The following EYS variants were observed in gnomAD, a reference collection of about 807,000 sequenced individuals.
EYS encodes EGF-like photoreceptor maintenance factor, also known as protein eyes shut homolog.
In EYS, 250 loss-of-function variants were observed where a neutral mutation model predicts 282.1. The ratio of observed to expected loss-of-function variants is 0.89; its 90% confidence interval spans 0.80 to 0.98. The LOEUF (loss-of-function observed/expected upper bound fraction) is 0.98, where lower values mean the gene tolerates loss of function less well. Among genes scored for constraint, EYS ranks in the 50% least tolerant of loss-of-function variants. EYS has a pLI of 0.00. For missense variants in EYS, 4,016 were observed against 3,709.0 expected (o/e 1.08, Z -2.15); for synonymous variants, 1,355 against 1,282.9 (o/e 1.06, Z -1.20).
At chr6:64,001,540 G>C (rs1399487179) in intron 33 of EYS, among the ~76,000 whole-genome samples, 1 of 151,890 alleles carries the variant, frequency 6.6e-6, no homozygotes, top group African/African-American at 2.4e-5. Flanking sequence ...TTCTGATTTG[G>C]AAAAGACAAT....
At chr6:64,740,983 G>C (rs911781340) in intron 22 of EYS, among the ~76,000 whole-genome samples, 30 of 152,228 alleles carry the variant, frequency 2.0e-4, no homozygotes, top group African/African-American at 7.2e-4. Context: ...AAAGTGCTGG[G>C]ATTACAGGCG....
In EYS at chr6:64,590,900, T is replaced by A. The variant is rs1219684922; in HGVS notation, c.4967A>T (p.Asp1656Val). 2 of 1,550,560 alleles carry A rather than the reference T, an allele frequency of 1.3e-6. No individual in the cohort carries two copies. Among genetic ancestry groups the A allele is most frequent in the East Asian group, 2.4e-5 (1 of 40,880 alleles). The change falls in exon 26 of 43, where the codon GAT (aspartate) becomes GTT (valine). Residue 1656 changes from aspartate to valine, a missense_variant. Transcript: ENST00000503581. ...AGTCTTATCCAAACATAAATTAACA[T>A]CCAAATTACTTGATAGGGTAATGGA... ...EESITLSSNL[D>V]VNLCLDKTCL...
intron 28 of EYS, among the ~76,000 whole-genome samples, chr6:64,394,979 A>T (rs1773307439): frequency 6.6e-6 from 1 of 152,222 alleles, no homozygotes; most frequent in Non-Finnish European, 1.5e-5. Context: ...AAGGATATGA[A>T]CAGACACTTC....
intron 22 of EYS, among the ~76,000 whole-genome samples, chr6:64,653,730 A>ATTTTTT (rs10680654): frequency 0.021 from 2,855 of 136,832 alleles, 54 homozygotes; most frequent in African/African-American, 0.027. Context: ...ATGCCCAGCT[A>ATTTTTT]TTTTTTTTTT....
At position 65,555,629 on chromosome 6, in the gene EYS, T is replaced by C. The variant is rs76774711; in HGVS notation, c.-332-59636A>G. On this transcript the variant is annotated intron_variant, in intron 2 of 42. Coordinates refer to ENST00000503581, the MANE Select transcript of EYS (RefSeq NM_001142800.2). ...TACAGAAGCTGGTTCAAATATTTTT[T>C]AGTCTTAAAACACTCACACTTCATT... is the stretch of plus-strand genomic sequence containing the variant. Among the ~76,000 whole-genome samples the C allele has an allele frequency of 5.1e-3, 782 of 152,302 alleles. 5 individuals are homozygous for C. Among genetic ancestry groups the C allele is most frequent in the Middle Eastern group, 0.02 (6 of 294 alleles).
rs527527581 is a variant in EYS at position 64,657,545 on chromosome 6, G to C, written c.3444-31300C>G. Among the ~76,000 whole-genome samples the C allele has an allele frequency of 1.4e-3, 213 of 152,230 alleles. 1 individual carries two copies. The highest frequency in any genetic ancestry group is 5.0e-3 in the African/African-American group (207 of 41,538). ...TCTTTCAGGAGCTCTTTTAGGGCAG[G>C]CCTGGTGGTGAGAAAATATCTCAGA... is the stretch of plus-strand genomic sequence containing the variant. On this transcript the variant is annotated intron_variant, in intron 22 of 42. Transcript: ENST00000503581.
chr6:65,064,287 G>A (rs1290062121), intron 12 of EYS, among the ~76,000 whole-genome samples: 3 of 138,974 alleles, frequency 2.2e-5, no homozygotes, highest in Non-Finnish European at 4.6e-5. Flanking sequence ...ATATCATATA[G>A]TATACTATTC....
intron 12 of EYS, among the ~76,000 whole-genome samples, chr6:65,081,642 A>G (rs368700286): frequency 2.0e-5 from 3 of 151,996 alleles, no homozygotes; most frequent in African/African-American, 7.2e-5. Flanking sequence ...AAACTTTCAC[A>G]TTGTTTTCTT....
intron 2 of EYS, among the ~76,000 whole-genome samples, chr6:65,503,537 C>G (rs1381081143): frequency 6.6e-6 from 1 of 151,550 alleles, no homozygotes; most frequent in African/African-American, 2.4e-5. Flanking sequence ...CCAGGGTCAT[C>G]TACATTTTAT....
chr6:64,952,913 T>A lies in EYS; in HGVS notation c.2260-6999A>T, dbSNP rs1348866446. Among the ~76,000 whole-genome samples, 5 of 152,086 alleles carry A rather than the reference T, an allele frequency of 3.3e-5. No individual in the cohort carries two copies. The East Asian group carries it at 9.6e-4, about 29-fold the overall frequency. On this transcript the variant is annotated intron_variant, in intron 14 of 42. Transcript: ENST00000503581. ...ATCAATAATAACATCTGGAATAGTGTCTAATGTTTGACTGAATAGGTGCTA... is the reference window on the plus strand; with the variant it reads ...ATCAATAATAACATCTGGAATAGTGACTAATGTTTGACTGAATAGGTGCTA...
chr6:63,963,588 C>G (rs994373483), intron 35 of EYS, among the ~76,000 whole-genome samples: 1 of 152,048 alleles, frequency 6.6e-6, no homozygotes, highest in African/African-American at 2.4e-5. Flanking sequence ...TGGGTCTGGG[C>G]GAGGGGACAG....
intron 22 of EYS, chr6:64,729,055 G>C (rs999749013): frequency 6.6e-6 from 1 of 152,544 alleles, no homozygotes; most frequent in Non-Finnish European, 1.5e-5. Flanking sequence ...TCTGCTGATG[G>C]AGCCTGGGGT....
At chr6:64,500,240 C>T (rs1467448389) in intron 26 of EYS, among the ~76,000 whole-genome samples, 1 of 151,970 alleles carries the variant, frequency 6.6e-6, no homozygotes, top group Non-Finnish European at 1.5e-5. Context: ...CAAAATACCA[C>T]AAGGTAAATG....
chr6:64,642,495 G>A (rs1768192151), intron 22 of EYS, among the ~76,000 whole-genome samples: 1 of 152,152 alleles, frequency 6.6e-6, no homozygotes, highest in Non-Finnish European at 1.5e-5. Context: ...TACTGTGAGT[G>A]AAGATGAGAG....
At chr6:64,425,657 G>GAAAAAAAAAAAAAAAAAAAAAAAAAAA (rs34577912) in intron 28 of EYS, among the ~76,000 whole-genome samples, 1 of 67,848 alleles carries the variant, frequency 1.5e-5, no homozygotes, top group Non-Finnish European at 2.8e-5. Flanking sequence ...TCCATCCCAG[G>GAAAAAAAAAAAAAAAAAAAAAAAAAAA]AAAAAAAAAA....
At chr6:63,843,971 G>A (rs192297615) in intron 36 of EYS, among the ~76,000 whole-genome samples, 95 of 152,258 alleles carry the variant, frequency 6.2e-4, no homozygotes, top group Non-Finnish European at 1.1e-3. Context: ...ATTAAACCCA[G>A]CATCCATTAG....
chr6:65,412,726 A>G (rs1197105191), intron 5 of EYS, among the ~76,000 whole-genome samples: 1 of 152,124 alleles, frequency 6.6e-6, no homozygotes, highest in Non-Finnish European at 1.5e-5. Context: ...TCTGTTATCT[A>G]TATATGAGTC....
intron 11 of EYS, chr6:65,331,258 G>T (rs1769787013): frequency 4.7e-6 from 3 of 636,866 alleles, no homozygotes; most frequent in Non-Finnish European, 5.9e-6. Context: ...CTAATTTAAG[G>T]CCTAATATTT....
intron 35 of EYS, among the ~76,000 whole-genome samples, chr6:63,947,705 C>A (rs1000649902): frequency 4.4e-4 from 67 of 152,044 alleles, no homozygotes; most frequent in African/African-American, 1.6e-3. Flanking sequence ...TAAATGTTTA[C>A]AGCAAGCAGG....
Sources: gnomAD v4.1 joint callset for allele counts (sites outside exome capture counted in the v4.1 genomes callset) on GRCh38, gnomAD v4.1.1 for gene constraint, MANE v1.5 for transcripts, NCBI Gene and HGNC (gene_info 2026-07-23, HGNC 2026-07-21) for gene names.